HADH: variants seen among roughly 807,000 people sequenced by gnomAD.
HADH encodes the protein hydroxyacyl-coenzyme A dehydrogenase, mitochondrial.
In HADH, 24 loss-of-function variants were observed where a neutral mutation model predicts 32.2. The ratio of observed to expected loss-of-function variants is 0.75; its 90% confidence interval spans 0.54 to 1.05. The LOEUF (loss-of-function observed/expected upper bound fraction) is 1.05, where lower values mean the gene tolerates loss of function less well. Among genes scored for constraint, HADH ranks in the 50% least tolerant of loss-of-function variants. The pLI is 0.00. For missense variants in HADH, 350 were observed against 397.1 expected, an observed-to-expected ratio of 0.88 and a Z score of 1.01; for synonymous variants, 139 against 152.5, an observed-to-expected ratio of 0.91 and a Z score of 0.65.
chr4:107,990,978 G>A (rs750906348), intron 1 of HADH, among the ~76,000 whole-genome samples: 2 of 152,054 alleles, frequency 1.3e-5, no homozygotes, highest in South Asian at 2.1e-4. Context: ...CTGACCAAAG[G>A]TGATCCGCCC....
chr4:108,027,321 C>CCCCAGTTCAT, intron 5 of HADH: 1 of 365,660 alleles, frequency 2.7e-6, no homozygotes, highest in East Asian at 6.6e-5. Context: ...AAACTGTCAC[C>CCCCAGTTCAT]CCCAGTTCAC....
intron 1 of HADH, chr4:108,005,339 G>A (rs185258580): frequency 1.2e-5 from 2 of 160,560 alleles, no homozygotes; most frequent in African/African-American, 4.8e-5. Flanking sequence ...GCCAAGTGAA[G>A]CCACAGTGTC....
intron 1 of HADH, among the ~76,000 whole-genome samples, chr4:107,992,541 G>A (rs1734844930): frequency 6.6e-6 from 1 of 152,198 alleles, no homozygotes; most frequent in South Asian, 2.1e-4. Context: ...ATTAGTTGAT[G>A]TGTTTTGAGT....
chr4:108,022,994 C>CTT (rs11335135), intron 4 of HADH, among the ~76,000 whole-genome samples: 1 of 118,338 alleles, frequency 8.5e-6, no homozygotes, highest in Admixed American at 8.8e-5. Context: ...ACACTGTTGT[C>CTT]TTTTTTTTTT....
intron 1 of HADH, among the ~76,000 whole-genome samples, chr4:108,005,703 A>G (rs1349024895): frequency 6.6e-6 from 1 of 152,212 alleles, no homozygotes; most frequent in African/African-American, 2.4e-5. Context: ...ACCTTGGAGA[A>G]CTGATTAAAT....
Position 108,019,643 on chromosome 4 carries a change from G to A in HADH, c.523G>A (p.Val175Met), listed in dbSNP as rs1440123580. 6.2e-7 allele frequency: 1 copy of A among 1,614,042 alleles called. No individual in the cohort carries two copies. The highest frequency in any genetic ancestry group is 8.5e-7 in the Non-Finnish European group (1 of 1,180,014). The change falls in exon 4 of 8, where the codon GTG (valine) becomes ATG (methionine). Residue 175 changes from valine (V) to methionine (M), a missense_variant. Val to Met is a conservative substitution (Grantham distance 21). Coordinates refer to ENST00000309522, the MANE Select transcript of HADH (RefSeq NM_005327.7). Reference protein sequence around the residue: ...RFAGLHFFNPVPVMKLVEVIK... With the variant: ...RFAGLHFFNPMPVMKLVEVIK... ...CGCTGGCCTCCATTTCTTCAACCCAGTGCCTGTCATGAAACTTGTGGAGGT... is the reference window on the plus strand; with the variant it reads ...CGCTGGCCTCCATTTCTTCAACCCAATGCCTGTCATGAAACTTGTGGAGGT...
At chr4:108,009,979 T>C in intron 2 of HADH, 92 bp downstream of exon 2, 1 of 722,990 alleles carries the variant, frequency 1.4e-6, no homozygotes. Context: ...CTTTCTTTCT[T>C]TTTTTTTTTT....
chr4:107,991,299 G>T (rs1734796899), intron 1 of HADH, among the ~76,000 whole-genome samples: 1 of 151,910 alleles, frequency 6.6e-6, no homozygotes, highest in African/African-American at 2.4e-5. Flanking sequence ...ATTTTTCTTG[G>T]GGACAGTACT....
At chr4:107,996,631 C>T (rs976401011) in intron 1 of HADH, among the ~76,000 whole-genome samples, 5 of 152,228 alleles carry the variant, frequency 3.3e-5, no homozygotes, top group East Asian at 3.8e-4. Context: ...TGGTGGCTTA[C>T]GCCTGTAATC....
intron 1 of HADH, among the ~76,000 whole-genome samples, chr4:108,003,169 CAG>C (rs1225830604): frequency 7.6e-6 from 1 of 131,044 alleles, no homozygotes; most frequent in African/African-American, 2.8e-5. Flanking sequence ...TTATAAAGAA[CAG>C]AAATTTATTT....
intron 2 of HADH, among the ~76,000 whole-genome samples, chr4:108,010,936 C>A (rs1413728076): frequency 2.0e-5 from 3 of 151,638 alleles, no homozygotes; most frequent in Non-Finnish European, 4.4e-5. Context: ...ACCGCAACCT[C>A]CACCTCCTGG....
intron 1 of HADH, among the ~76,000 whole-genome samples, chr4:108,000,228 C>T (rs748619523): frequency 6.6e-6 from 1 of 152,202 alleles, no homozygotes; most frequent in African/African-American, 2.4e-5. Context: ...ATCCCAGTTA[C>T]CCTGATTTGA....
chr4:108,011,577 T>G (rs1378873415), intron 2 of HADH, among the ~76,000 whole-genome samples: 1 of 152,228 alleles, frequency 6.6e-6, no homozygotes, highest in African/African-American at 2.4e-5. Flanking sequence ...GTTTTCACCT[T>G]TTGGCTATTT....
At position 108,015,327 on chromosome 4, in the gene HADH, T is replaced by G. The variant is rs558861076; in HGVS notation, c.419+739T>G. Among the ~76,000 whole-genome samples the G allele has an allele frequency of 2.6e-5, 4 of 152,358 alleles. No homozygotes were observed. In the South Asian group the frequency reaches 8.3e-4, roughly 32 times the overall value. On this transcript the variant is annotated intron_variant, in intron 3 of 7. Coordinates refer to ENST00000309522, the MANE Select transcript of HADH (RefSeq NM_005327.7). ...ACTTTTTAATAAAAGCCATTCTGACTGGTATCAGGTGCTAAACTCATTGTG... is the reference window on the plus strand; with the variant it reads ...ACTTTTTAATAAAAGCCATTCTGACGGGTATCAGGTGCTAAACTCATTGTG...
intron 1 of HADH, among the ~76,000 whole-genome samples, chr4:108,000,438 C>T (rs1402924179): frequency 6.6e-6 from 1 of 152,190 alleles, no homozygotes; most frequent in Non-Finnish European, 1.5e-5. Flanking sequence ...CGGTGAGATT[C>T]TTATGACATG....
rs1345433771 is a variant in HADH, at chr4:108,014,484, T to C, written c.315T>C (p.Asp105=). Residue 105 remains aspartate (D), a synonymous_variant, in exon 3 of 8, where the codon GAT becomes GAC. Coordinates refer to ENST00000309522, the MANE Select transcript of HADH (RefSeq NM_005327.7). Reference sequence around the variant, plus strand: ...TGAGCACCATAGCGACCAGCACGGATGCAGCCTCCGTTGTCCACAGCACAG... The same window carrying C: ...TGAGCACCATAGCGACCAGCACGGACGCAGCCTCCGTTGTCCACAGCACAG... ...KTLSTIATST[D]AASVVHSTDL... is the part of the protein sequence containing the mutation. 2 of 1,614,020 alleles carry C rather than the reference T, an allele frequency of 1.2e-6. No individual in the cohort carries two copies. The highest frequency in any genetic ancestry group is 1.1e-5 in the South Asian group (1 of 91,074).
chr4:108,027,502 C>T lies in HADH; in HGVS notation c.637-186C>T. 4 of 660,056 alleles carry T rather than the reference C, an allele frequency of 6.1e-6. No individual in the cohort carries two copies. The South Asian group carries it at 6.8e-5, about 11-fold the overall frequency. The allele number at this position is 660,056 out of a possible 1,614,324, so 40.9% of individuals were successfully genotyped here. A position where few individuals can be genotyped will look rare whatever the true frequency, so the allele number is the denominator to read the frequency against. On this transcript the variant is annotated intron_variant, in intron 5 of 7. Coordinates refer to ENST00000309522, the MANE Select transcript of HADH (RefSeq NM_005327.7). ...CTGGGTTTGAATGTTTTTTTAAGTACTATGATTGTTGGATAAATTGTCATA... is the reference window on the plus strand; with the variant it reads ...CTGGGTTTGAATGTTTTTTTAAGTATTATGATTGTTGGATAAATTGTCATA...
intron 6 of HADH, chr4:108,028,749 C>CT (rs34805128): frequency 0.012 from 4,493 of 369,166 alleles, no homozygotes; most frequent in Middle Eastern, 0.016. Flanking sequence ...AGTTGTATGT[C>CT]TTTTTTTTTT....
At chr4:107,996,273 C>T (rs995293969) in intron 1 of HADH, among the ~76,000 whole-genome samples, 1 of 152,190 alleles carries the variant, frequency 6.6e-6, no homozygotes, top group Non-Finnish European at 1.5e-5. Flanking sequence ...TATTAGTCTT[C>T]CTGGAGAGGC....
Sources: gnomAD v4.1 joint callset for allele counts (sites outside exome capture counted in the v4.1 genomes callset) on GRCh38, gnomAD v4.1.1 for gene constraint, MANE v1.5 for transcripts, NCBI Gene and HGNC (gene_info 2026-07-23, HGNC 2026-07-21) for gene names.